The following FBXL17 variants were observed in gnomAD, a reference collection of about 807,000 sequenced individuals.
The protein encoded by FBXL17 is F-box/LRR-repeat protein 17.
A neutral mutation model predicts 66.2 loss-of-function variants in FBXL17; 22 were observed. That is an observed-to-expected ratio of 0.33 (90% CI 0.24 to 0.47). The LOEUF is 0.47. Among genes scored for constraint, FBXL17 ranks in the 20% least tolerant of loss-of-function variants. FBXL17 has a pLI of 1.00. For missense variants in FBXL17, 878 were observed against 948.2 expected, an observed-to-expected ratio of 0.93 and a Z score of 0.97; for synonymous variants, 474 against 400.5, an observed-to-expected ratio of 1.18 and a Z score of -2.19.
chr5:108,025,075 AG>A (rs1360415109), intron 6 of FBXL17, among the ~76,000 whole-genome samples: 1 of 152,222 alleles, frequency 6.6e-6, no homozygotes, highest in Non-Finnish European at 1.5e-5. Context: ...CCTACTCAAA[AG>A]CTAGAACATG....
intron 6 of FBXL17, among the ~76,000 whole-genome samples, chr5:108,164,980 A>G (rs1379002788): frequency 1.3e-5 from 2 of 152,232 alleles, no homozygotes; most frequent in Non-Finnish European, 2.9e-5. Context: ...GATAGCATCC[A>G]CAATTGGCAT....
chr5:108,052,112 C>CAAAAAAAAAAAAAA (rs144705189), intron 6 of FBXL17, among the ~76,000 whole-genome samples: 55 of 102,092 alleles, frequency 5.4e-4, no homozygotes, highest in Non-Finnish European at 7.2e-4. Flanking sequence ...GACTTCGTCT[C>CAAAAAAAAAAAAAA]AAAAAAAAAA....
At chr5:108,052,112 C>CAAAAA (rs144705189) in intron 6 of FBXL17, among the ~76,000 whole-genome samples, 99 of 102,124 alleles carry the variant, frequency 9.7e-4, no homozygotes, top group Middle Eastern at 7.4e-3. Flanking sequence ...GACTTCGTCT[C>CAAAAA]AAAAAAAAAA....
chr5:108,047,671 G>A (rs1747309662), intron 6 of FBXL17, among the ~76,000 whole-genome samples: 1 of 152,142 alleles, frequency 6.6e-6, no homozygotes, highest in Admixed American at 6.5e-5. Flanking sequence ...ACCGGCTGTG[G>A]CATACTGCGG....
chr5:107,941,588 A>T (rs957286981), intron 7 of FBXL17, among the ~76,000 whole-genome samples: 6 of 152,146 alleles, frequency 3.9e-5, no homozygotes, highest in African/African-American at 1.4e-4. Context: ...AGTGCTTGGG[A>T]ACGTTAAATA....
At chr5:107,958,063 T>A (rs966634813) in intron 7 of FBXL17, among the ~76,000 whole-genome samples, 1 of 151,536 alleles carries the variant, frequency 6.6e-6, no homozygotes, top group Non-Finnish European at 1.5e-5. Flanking sequence ...TCAATGGCCA[T>A]GTAATACAGG....
At chr5:108,236,948 C>A (rs1017541670) in intron 4 of FBXL17, among the ~76,000 whole-genome samples, 10 of 152,082 alleles carry the variant, frequency 6.6e-5, no homozygotes, top group Non-Finnish European at 1.2e-4. Context: ...CTAAAACAGT[C>A]ATATAGATTC....
intron 8 of FBXL17, among the ~76,000 whole-genome samples, chr5:107,868,569 A>C (rs1748350473): frequency 6.6e-6 from 1 of 152,202 alleles, no homozygotes; most frequent in African/African-American, 2.4e-5. Context: ...CACCCATAAA[A>C]ACACTTTCCC....
intron 7 of FBXL17, among the ~76,000 whole-genome samples, chr5:107,893,027 A>G (rs1332626298): frequency 6.6e-6 from 1 of 152,156 alleles, no homozygotes; most frequent in African/African-American, 2.4e-5. Flanking sequence ...ATACCTGTCT[A>G]TCTCTCAAGT....
chr5:108,039,730 A>C lies in FBXL17; in HGVS notation c.1746-18729T>G, dbSNP rs1026026196. ...TCTTGGGGGACAACAGCAAATTCAC[A>C]GAAGGCTACCCAAATCCTGACCATT... On this transcript the variant is annotated intron_variant, in intron 6 of 8. Transcript: ENST00000542267. 5.9e-5 allele frequency among the ~76,000 whole-genome samples: 9 copies of C among 152,252 alleles called. No homozygotes were observed. In the East Asian group the frequency reaches 1.7e-3, roughly 29 times the overall value.
Position 107,859,089 on chromosome 5 carries a change from A to G in FBXL17, c.*2631T>C, listed in dbSNP as rs1748049336. The G allele has an allele frequency of 6.6e-6, 1 of 152,230 alleles. No individual in the cohort carries two copies. Among genetic ancestry groups the G allele is most frequent in the Non-Finnish European group, 1.5e-5 (1 of 68,044 alleles). 9.4% of individuals were successfully genotyped at this position (152,230 alleles called of 1,614,324 possible). On this transcript the variant is annotated 3_prime_UTR_variant, in exon 9 of 9. Coordinates refer to ENST00000542267, the MANE Select transcript of FBXL17 (RefSeq NM_001163315.3). The stretch of plus-strand genomic sequence containing the variant: ...CAAGGTCAAAGATTCACGGAAATAT[A>G]GAAACTACAAACCGGGTGAATTTTC...
intron 6 of FBXL17, among the ~76,000 whole-genome samples, chr5:108,168,810 T>C (rs935623807): frequency 2.6e-5 from 4 of 151,958 alleles, no homozygotes; most frequent in Non-Finnish European, 5.9e-5. Context: ...AACATGTACA[T>C]AGAGAACCCA....
intron 4 of FBXL17, among the ~76,000 whole-genome samples, chr5:108,333,531 G>T (rs2150242727): frequency 6.6e-6 from 1 of 152,214 alleles, no homozygotes; most frequent in Non-Finnish European, 1.5e-5. Flanking sequence ...ATAAAATGTG[G>T]CAGTATTTAA....
intron 4 of FBXL17, among the ~76,000 whole-genome samples, chr5:108,312,142 A>G (rs1759150254): frequency 6.6e-6 from 1 of 152,186 alleles, no homozygotes; most frequent in African/African-American, 2.4e-5. Context: ...ACATACCACC[A>G]GCATCACAGC....
chr5:108,185,186 A>G (rs1278340753), intron 6 of FBXL17, among the ~76,000 whole-genome samples: 1 of 152,166 alleles, frequency 6.6e-6, no homozygotes, highest in Non-Finnish European at 1.5e-5. Flanking sequence ...ACATATATAT[A>G]TACTGAGAAA....
intron 6 of FBXL17, among the ~76,000 whole-genome samples, chr5:108,175,692 C>CA (rs1752771091): frequency 6.6e-6 from 1 of 152,142 alleles, no homozygotes; most frequent in Admixed American, 6.6e-5. Context: ...AAAGGACTGT[C>CA]ATACAGAAAA....
At chr5:107,885,208 C>T (rs567651192) in intron 7 of FBXL17, among the ~76,000 whole-genome samples, 4 of 152,174 alleles carry the variant, frequency 2.6e-5, no homozygotes, top group African/African-American at 9.6e-5. Context: ...TTTTAATGTG[C>T]TAAGTGCAAC....
At chr5:107,950,842 C>G (rs968175215) in intron 7 of FBXL17, among the ~76,000 whole-genome samples, 2 of 152,170 alleles carry the variant, frequency 1.3e-5, no homozygotes, top group Non-Finnish European at 2.9e-5. Context: ...TAATGTGTGA[C>G]AGTTATCATG....
At chr5:108,223,070 C>A (rs1342039748) in intron 5 of FBXL17, among the ~76,000 whole-genome samples, 4 of 152,024 alleles carry the variant, frequency 2.6e-5, no homozygotes, top group African/African-American at 9.7e-5. Flanking sequence ...TTATTTAATA[C>A]CCTAAAAAAT....
Sources: gnomAD v4.1 joint callset for allele counts (sites outside exome capture counted in the v4.1 genomes callset) on GRCh38, gnomAD v4.1.1 for gene constraint, MANE v1.5 for transcripts, NCBI Gene and HGNC (gene_info 2026-07-23, HGNC 2026-07-21) for gene names.